The following AGBL4 variants were observed in gnomAD, a reference collection of about 807,000 sequenced individuals.
AGBL4 encodes AGBL carboxypeptidase 4, also known as cytosolic carboxypeptidase 6.
Under a neutral mutation model 66.4 loss-of-function variants are expected in AGBL4, and 58 were observed. That is an observed-to-expected ratio of 0.87 (90% CI 0.71 to 1.09). The LOEUF (loss-of-function observed/expected upper bound fraction) is 1.09, where lower values mean the gene tolerates loss of function less well. AGBL4 is among the 50% of genes least tolerant of loss of function. The pLI is 0.00. For synonymous variants in AGBL4, 234 were observed against 222.9 expected (o/e 1.05, Z -0.44); for missense variants, 579 against 631.0 (o/e 0.92, Z 0.88).
intron 3 of AGBL4, among the ~76,000 whole-genome samples, chr1:49,551,455 G>T (rs1652948308): frequency 6.6e-6 from 1 of 152,150 alleles, no homozygotes; most frequent in East Asian, 1.9e-4. Context: ...AGGGCTGAAG[G>T]TTACTGTTCA....
At chr1:49,736,055 A>G (rs1649865937) in intron 2 of AGBL4, among the ~76,000 whole-genome samples, 1 of 152,130 alleles carries the variant, frequency 6.6e-6, no homozygotes, top group Admixed American at 6.5e-5. Flanking sequence ...ACCATCAAGC[A>G]CATCAACATG....
chr1:49,868,181 T>C (rs193198687), intron 1 of AGBL4, among the ~76,000 whole-genome samples: 16 of 152,292 alleles, frequency 1.1e-4, no homozygotes, highest in Non-Finnish European at 1.6e-4. Context: ...ATCAGTACCA[T>C]GGAAATGAAC....
chr1:48,893,649 C>T (rs921735406), intron 5 of AGBL4, among the ~76,000 whole-genome samples: 1 of 151,688 alleles, frequency 6.6e-6, no homozygotes. Context: ...GGCGCCACTG[C>T]ACTCCAGCCT....
chr1:49,395,762 TACAC>T (rs1553194889), intron 3 of AGBL4, among the ~76,000 whole-genome samples: 1 of 138,210 alleles, frequency 7.2e-6, no homozygotes, highest in African/African-American at 2.7e-5. Flanking sequence ...TATATATATA[TACAC>T]ATATATATAC....
intron 1 of AGBL4, among the ~76,000 whole-genome samples, chr1:49,875,237 T>C (rs895565585): frequency 2.0e-5 from 3 of 149,678 alleles, no homozygotes; most frequent in South Asian, 2.1e-4. Context: ...ACATATGCCA[T>C]GCTGGTGCGC....
intron 3 of AGBL4, among the ~76,000 whole-genome samples, chr1:49,286,442 T>C (rs1644411918): frequency 6.6e-6 from 1 of 152,170 alleles, no homozygotes; most frequent in Non-Finnish European, 1.5e-5. Flanking sequence ...GCAGATGACA[T>C]GATTGTATAT....
At chr1:48,624,526 G>A (rs1243128862) in intron 9 of AGBL4, among the ~76,000 whole-genome samples, 1 of 152,176 alleles carries the variant, frequency 6.6e-6, no homozygotes, top group Non-Finnish European at 1.5e-5. Flanking sequence ...CTTAACCAGG[G>A]GGTTTACCCA....
At chr1:49,747,210 TC>T (rs996569220) in intron 2 of AGBL4, among the ~76,000 whole-genome samples, 1 of 152,160 alleles carries the variant, frequency 6.6e-6, no homozygotes, top group South Asian at 2.1e-4. Flanking sequence ...TTATTCCTTT[TC>T]CACAAACTCC....
intron 3 of AGBL4, among the ~76,000 whole-genome samples, chr1:49,640,995 GA>G (rs1558124895): frequency 2.6e-5 from 4 of 152,206 alleles, no homozygotes; most frequent in African/African-American, 7.2e-5. Flanking sequence ...CCTGGGTGAT[GA>G]AATCATTTGT....
intron 3 of AGBL4, among the ~76,000 whole-genome samples, chr1:49,352,203 T>C (rs1013800840): frequency 6.6e-6 from 1 of 152,150 alleles, no homozygotes; most frequent in Admixed American, 6.6e-5. Flanking sequence ...GTTAGCCTAA[T>C]TGGAAAATAG....
chr1:49,194,152 T>G (rs1647179834), intron 4 of AGBL4, among the ~76,000 whole-genome samples: 1 of 152,212 alleles, frequency 6.6e-6, no homozygotes, highest in African/African-American at 2.4e-5. Flanking sequence ...TGGTTATCTT[T>G]CTTTATGTCT....
chr1:49,582,108 C>T (rs138533520), intron 3 of AGBL4, among the ~76,000 whole-genome samples: 17 of 152,270 alleles, frequency 1.1e-4, no homozygotes, highest in South Asian at 2.1e-4. Context: ...AGGTGTCCTA[C>T]GCACTGGGAT....
intron 3 of AGBL4, among the ~76,000 whole-genome samples, chr1:49,637,464 C>T (rs1245647410): frequency 6.6e-6 from 1 of 151,816 alleles, no homozygotes; most frequent in Non-Finnish European, 1.5e-5. Flanking sequence ...CCACGCCCAG[C>T]TAATTTTTTT....
chr1:49,744,054 TAA>T (rs199534512), intron 2 of AGBL4, among the ~76,000 whole-genome samples: 1 of 147,868 alleles, frequency 6.8e-6, no homozygotes, highest in East Asian at 2.0e-4. Flanking sequence ...TAAAGTATAA[TAA>T]AAAAAAAAGA....
At chr1:49,242,830 G>C (rs1298340772) in intron 4 of AGBL4, among the ~76,000 whole-genome samples, 1 of 151,744 alleles carries the variant, frequency 6.6e-6, no homozygotes, top group South Asian at 2.1e-4. Context: ...GAACAGCCTT[G>C]AATGGCCACA....
chr1:48,569,984 A>G (rs1012475761), intron 11 of AGBL4, among the ~76,000 whole-genome samples: 3 of 152,168 alleles, frequency 2.0e-5, no homozygotes, highest in African/African-American at 7.2e-5. Context: ...ACCTTTGGAG[A>G]TTGTTTGCCC....
At chr1:49,877,876 G>T (rs1026428150) in intron 1 of AGBL4, among the ~76,000 whole-genome samples, 18 of 151,908 alleles carry the variant, frequency 1.2e-4, no homozygotes, top group Non-Finnish European at 1.3e-4. Flanking sequence ...CTTCTTCCTG[G>T]TTTAGTCTTG....
At chr1:49,938,089 A>G (rs895439600) in intron 1 of AGBL4, among the ~76,000 whole-genome samples, 5 of 149,738 alleles carry the variant, frequency 3.3e-5, no homozygotes, top group African/African-American at 1.3e-4. Flanking sequence ...CAAAAGTGAT[A>G]GACCGCTAGC....
chr1:49,062,862 T>C (rs995715499), intron 4 of AGBL4, among the ~76,000 whole-genome samples: 3 of 152,210 alleles, frequency 2.0e-5, no homozygotes, highest in Non-Finnish European at 2.9e-5. Flanking sequence ...CATCTCCCTG[T>C]GTATGGCATA....
Sources: gnomAD v4.1 joint callset for allele counts (sites outside exome capture counted in the v4.1 genomes callset) on GRCh38, gnomAD v4.1.1 for gene constraint, MANE v1.5 for transcripts, NCBI Gene and HGNC (gene_info 2026-07-23, HGNC 2026-07-21) for gene names.